TBC1D5: variants seen among roughly 807,000 people sequenced by gnomAD.
TBC1D5 encodes the protein TBC1 domain family, member 5.
TBC1D5 carries 75 observed loss-of-function variants against 100.3 expected under a neutral mutation model. That is an observed-to-expected ratio of 0.75 (90% CI 0.62 to 0.91). TBC1D5 has a LOEUF of 0.91. Ranked by LOEUF, TBC1D5 falls within the 40% of genes least tolerant of loss-of-function variation. The pLI, the probability that TBC1D5 is intolerant of heterozygous loss-of-function variation, is 0.00. For missense variants in TBC1D5, 910 were observed against 942.4 expected (o/e 0.97, Z 0.45); for synonymous variants, 323 against 325.6 (o/e 0.99, Z 0.09).
intron 15 of TBC1D5, among the ~76,000 whole-genome samples, chr3:17,262,969 G>A (rs1299209120): frequency 6.6e-6 from 1 of 151,774 alleles, no homozygotes; most frequent in East Asian, 2.0e-4. Flanking sequence ...GTTCATGCCT[G>A]TAATCCCAGA....
chr3:17,453,281 C>T (rs2094971741), intron 3 of TBC1D5, among the ~76,000 whole-genome samples: 1 of 149,728 alleles, frequency 6.7e-6, no homozygotes, highest in East Asian at 2.0e-4. Context: ...AAACCAAACC[C>T]AAAATTAGGA....
chr3:17,393,121 T>A (rs1029317514), intron 8 of TBC1D5, among the ~76,000 whole-genome samples: 1 of 151,924 alleles, frequency 6.6e-6, no homozygotes, highest in African/African-American at 2.4e-5. Flanking sequence ...TGATGAGGTT[T>A]TTTTTTTTCC....
chr3:17,406,341 T>C lies in TBC1D5; in HGVS notation c.276+77A>G, dbSNP rs910670909. The C allele has an allele frequency of 3.9e-6, 5 of 1,282,088 alleles. No homozygotes were observed. The African/African-American group carries it at 7.5e-5, about 19-fold the overall frequency. 79.4% of individuals were successfully genotyped at this position (1,282,088 alleles called of 1,614,324 possible). A position where few individuals can be genotyped will look rare whatever the true frequency, so the allele number is the denominator to read the frequency against. ...TTGGAAAATTCAGTGATCCCCTGCA[T>C]GGCTAATCTTCCAGGGCATCAGGTA... On this transcript the variant is annotated intron_variant, in intron 5 of 21. Coordinates refer to ENST00000253692, the Ensembl canonical transcript of TBC1D5.
At chr3:17,658,944 C>G (rs1468771365) in intron 1 of TBC1D5, among the ~76,000 whole-genome samples, 1 of 152,156 alleles carries the variant, frequency 6.6e-6, no homozygotes, top group Non-Finnish European at 1.5e-5. Context: ...AGGTGTGAGT[C>G]ACTGCGCCCA....
chr3:17,711,032 T>A lies in TBC1D5; in HGVS notation c.-101+28311A>T, dbSNP rs1477469302. 2.0e-5 allele frequency among the ~76,000 whole-genome samples: 3 copies of A among 152,204 alleles called. No individual in the cohort carries two copies. The East Asian group carries it at 5.8e-4, about 29-fold the overall frequency. On this transcript the variant is annotated intron_variant, in intron 1 of 21. Coordinates refer to ENST00000253692, the Ensembl canonical transcript of TBC1D5. ...TATTTAATCCTTAAGAAAACAGTTA[T>A]TAAAATCTTTATTATAATATCCCTA...
intron 10 of TBC1D5, 146 bp downstream of exon 10, chr3:17,376,379 C>G (rs2092708573): frequency 1.5e-6 from 1 of 658,056 alleles, no homozygotes. Context: ...GTAGAATTAA[C>G]AATTAACCAC....
At chr3:17,248,115 G>A (rs561048051) in intron 16 of TBC1D5, among the ~76,000 whole-genome samples, 1 of 151,558 alleles carries the variant, frequency 6.6e-6, no homozygotes, top group South Asian at 2.1e-4. Context: ...CCTCAGCCTT[G>A]CGAGCAACTG....
intron 3 of TBC1D5, among the ~76,000 whole-genome samples, chr3:17,497,806 CA>C (rs975267061): frequency 2.4e-4 from 36 of 152,280 alleles, no homozygotes; most frequent in Middle Eastern, 6.8e-3. Context: ...TTGGCTCACA[CA>C]TTGACTCATC....
intron 17 of TBC1D5, among the ~76,000 whole-genome samples, chr3:17,235,796 G>T (rs1273215760): frequency 6.6e-6 from 1 of 152,082 alleles, no homozygotes; most frequent in Admixed American, 6.5e-5. Context: ...ATCTTCTATC[G>T]TCTACTTCCA....
chr3:17,336,915 G>T (rs1274837191), intron 13 of TBC1D5, among the ~76,000 whole-genome samples: 1 of 152,052 alleles, frequency 6.6e-6, no homozygotes, highest in Non-Finnish European at 1.5e-5. Context: ...TTGCACAAGA[G>T]AAGATATAGT....
chr3:17,668,641 A>G (rs1440198735), intron 1 of TBC1D5, among the ~76,000 whole-genome samples: 1 of 152,172 alleles, frequency 6.6e-6, no homozygotes, highest in Non-Finnish European at 1.5e-5. Flanking sequence ...ACTGGCATCC[A>G]TAGGCCACTT....
At chr3:17,404,959 T>C (rs774625958) in exon 6 of TBC1D5, 15 of 1,573,494 alleles carry the variant, frequency 9.5e-6, no homozygotes, top group South Asian at 2.4e-5. Flanking sequence ...CACAAAGAAA[T>C]AGCTGTCAAG....
At chr3:17,189,191 C>A in intron 18 of TBC1D5, among the ~76,000 whole-genome samples, 1 of 152,126 alleles carries the variant, frequency 6.6e-6, no homozygotes, top group East Asian at 1.9e-4. Flanking sequence ...ATTATTCTTT[C>A]TTTAAAAAAA....
intron 19 of TBC1D5, among the ~76,000 whole-genome samples, chr3:17,175,435 T>C (rs1165734314): frequency 6.6e-6 from 1 of 152,204 alleles, no homozygotes; most frequent in Non-Finnish European, 1.5e-5. Context: ...CATGGAAGCA[T>C]GACACCTCCC....
intron 2 of TBC1D5, among the ~76,000 whole-genome samples, chr3:17,567,333 A>C (rs952033310): frequency 3.3e-5 from 5 of 151,746 alleles, no homozygotes; most frequent in Admixed American, 6.6e-5. Flanking sequence ...CAACTTAATA[A>C]ATCATGTGGA....
chr3:17,280,908 G>T (rs1163119949), intron 15 of TBC1D5, among the ~76,000 whole-genome samples: 2 of 152,198 alleles, frequency 1.3e-5, no homozygotes, highest in Admixed American at 6.5e-5. Flanking sequence ...GGGGAGTGGG[G>T]GTACTCCCTG....
chr3:17,372,946 A>G (rs988864859), intron 12 of TBC1D5, among the ~76,000 whole-genome samples: 1 of 152,190 alleles, frequency 6.6e-6, no homozygotes, highest in Non-Finnish European at 1.5e-5. Flanking sequence ...TAAATATTTT[A>G]GGCTTTACGA....
At chr3:17,238,209 C>G (rs1427015663) in exon 17 of TBC1D5, 1 of 1,613,900 alleles carries the variant, frequency 6.2e-7, no homozygotes, top group Non-Finnish European at 8.5e-7. Context: ...TCAGCCTCTG[C>G]TGCTGCTGTT....
At chr3:17,434,893 C>G (rs1435512024) in intron 3 of TBC1D5, among the ~76,000 whole-genome samples, 2 of 152,152 alleles carry the variant, frequency 1.3e-5, no homozygotes, top group Admixed American at 6.5e-5. Flanking sequence ...TGCTTTGTTG[C>G]TTAGAAATTT....
Sources: gnomAD v4.1 joint callset for allele counts (sites outside exome capture counted in the v4.1 genomes callset) on GRCh38, gnomAD v4.1.1 for gene constraint, MANE v1.5 for transcripts, NCBI Gene and HGNC (gene_info 2026-07-23, HGNC 2026-07-21) for gene names.